The following LINC00305 variants were observed in gnomAD, a reference collection of about 807,000 sequenced individuals.
The protein encoded by LINC00305 is long independently transcribed non-coding RNA 305.
At chr18:64,139,607 C>T (rs2051451719) in intron 1 of LINC00305, 1 of 152,134 alleles carries the variant, frequency 6.6e-6, no homozygotes, top group Admixed American at 6.5e-5. Flanking sequence ...GTATTTTAAT[C>T]TTGAAAAATC....
At position 64,125,718 on chromosome 18, in the gene LINC00305, G is replaced by A. The variant is rs149309707; in HGVS notation, n.314+23057C>T. Reference sequence around the variant, plus strand: ...TCTGATACTTATTACCTTGTGCTATGGTTTGAATGTGTTGCCCCAAAACCA... The same window carrying A: ...TCTGATACTTATTACCTTGTGCTATAGTTTGAATGTGTTGCCCCAAAACCA... On this transcript the variant is annotated intron_variant and non_coding_transcript_variant, in intron 1 of 3. Coordinates refer to ENST00000666468, the Ensembl canonical transcript of LINC00305. Among the ~76,000 whole-genome samples the A allele has an allele frequency of 1.3e-3, 193 of 152,062 alleles. 1 individual carries two copies. Among genetic ancestry groups the A allele is most frequent in the African/African-American group, 4.3e-3 (179 of 41,474 alleles).
chr18:64,091,388 A>G (rs1487529957), intron 3 of LINC00305, among the ~76,000 whole-genome samples: 7 of 152,210 alleles, frequency 4.6e-5, no homozygotes, highest in Non-Finnish European at 1.0e-4. Flanking sequence ...GCTCACATGG[A>G]TGATGCTCCA....
chr18:64,144,106 C>T (rs1001047289), intron 1 of LINC00305, among the ~76,000 whole-genome samples: 4 of 152,114 alleles, frequency 2.6e-5, no homozygotes, highest in Admixed American at 6.6e-5. Context: ...GAGGCCAGCA[C>T]TGATTGGAAA....
intron 1 of LINC00305, among the ~76,000 whole-genome samples, chr18:64,140,705 T>C (rs972797791): frequency 2.0e-5 from 3 of 152,174 alleles, no homozygotes; most frequent in Admixed American, 1.3e-4. Flanking sequence ...GGTTATGTTA[T>C]GCGATATATG....
chr18:64,082,126 G>T (rs1003970835), intron 3 of LINC00305, among the ~76,000 whole-genome samples: 14 of 152,158 alleles, frequency 9.2e-5, no homozygotes, highest in Non-Finnish European at 1.9e-4. Context: ...GAGTCATACA[G>T]CCAAAGGTCT....
chr18:64,092,509 C>T (rs1450765679), intron 3 of LINC00305, among the ~76,000 whole-genome samples: 1 of 152,140 alleles, frequency 6.6e-6, no homozygotes, highest in Admixed American at 6.5e-5. Context: ...TTGCACTGAG[C>T]CGAGATCACA....
At chr18:64,096,906 A>G (rs575117601) in intron 3 of LINC00305, among the ~76,000 whole-genome samples, 7 of 152,068 alleles carry the variant, frequency 4.6e-5, no homozygotes, top group Admixed American at 1.3e-4. Flanking sequence ...GTACAATAAT[A>G]ATAATAATGG....
chr18:64,148,798 T>G (rs2051510983), exon 1 of LINC00305: 2 of 152,380 alleles, frequency 1.3e-5, no homozygotes, highest in African/African-American at 4.8e-5. Context: ...GTCTGGTTCC[T>G]CTGGTGTGGT....
chr18:64,139,881 A>G (rs1416224257), intron 1 of LINC00305, among the ~76,000 whole-genome samples: 1 of 152,064 alleles, frequency 6.6e-6, no homozygotes, highest in Non-Finnish European at 1.5e-5. Context: ...TCCAATAGCA[A>G]CCCGTCTTAC....
In LINC00305 at chr18:64,123,573, T is replaced by G. The variant is rs183448290; in HGVS notation, n.315-24933A>C. On this transcript the variant is annotated intron_variant and non_coding_transcript_variant, in intron 1 of 3. Transcript: ENST00000666468. ...TCAATACATATTCTACATGCTTTTC[T>G]TCTCACTTACCCCAACCTTCCCCTT... 7.9e-5 allele frequency among the ~76,000 whole-genome samples: 12 copies of G among 152,240 alleles called. No homozygotes were observed. The East Asian group carries it at 2.3e-3, about 29-fold the overall frequency.
intron 1 of LINC00305, among the ~76,000 whole-genome samples, chr18:64,128,826 A>G (rs2051396944): frequency 6.6e-6 from 1 of 152,128 alleles, no homozygotes; most frequent in African/African-American, 2.4e-5. Context: ...CAGCAAATAA[A>G]AGAAATAACC....
chr18:64,110,469 CT>C (rs1205872997), intron 1 of LINC00305, among the ~76,000 whole-genome samples: 1 of 152,100 alleles, frequency 6.6e-6, no homozygotes, highest in Non-Finnish European at 1.5e-5. Context: ...CTGGGTTCTA[CT>C]AGACTGACAG....
intron 1 of LINC00305, among the ~76,000 whole-genome samples, chr18:64,127,752 A>G (rs1201365815): frequency 1.3e-5 from 2 of 152,056 alleles, no homozygotes; most frequent in African/African-American, 2.4e-5. Context: ...GCTATGTGGG[A>G]TGGTTGTCAT....
chr18:64,120,258 C>G (rs574908677), intron 1 of LINC00305, among the ~76,000 whole-genome samples: 1 of 152,152 alleles, frequency 6.6e-6, no homozygotes, highest in East Asian at 1.9e-4. Context: ...CTTCTTCCAT[C>G]CTCTCTCTAA....
intron 1 of LINC00305, among the ~76,000 whole-genome samples, chr18:64,141,919 G>A (rs1599232608): frequency 2.0e-5 from 3 of 152,270 alleles, no homozygotes; most frequent in Admixed American, 2.0e-4. Context: ...CATGTTTAAG[G>A]CTGATTAATC....
At position 64,113,110 on chromosome 18, in the gene LINC00305, G is replaced by A. The variant is rs73469873; in HGVS notation, n.315-14470C>T. Among the ~76,000 whole-genome samples the A allele has an allele frequency of 2.7e-3, 418 of 152,256 alleles. 4 individuals are homozygous for A. Among genetic ancestry groups the A allele is most frequent in the African/African-American group, 9.4e-3 (392 of 41,532 alleles). ...TGTTATTCTGACACTCAAACTCCTG[G>A]TCTTTCCGTTCTTGCACGGTATTCT... On this transcript the variant is annotated intron_variant and non_coding_transcript_variant, in intron 1 of 3. Transcript: ENST00000666468.
chr18:64,098,537 G>T (rs1411395679), intron 2 of LINC00305: 3 of 434,180 alleles, frequency 6.9e-6, no homozygotes, highest in East Asian at 7.1e-5. Flanking sequence ...TTTTTCTTAG[G>T]TTTGTAACTT....
chr18:64,139,003 A>C (rs2051448509), intron 1 of LINC00305, among the ~76,000 whole-genome samples: 1 of 152,208 alleles, frequency 6.6e-6, no homozygotes, highest in African/African-American at 2.4e-5. Flanking sequence ...AAAAACACCC[A>C]GAACCGCCAC....
Position 64,116,632 on chromosome 18 carries a change from T to C in LINC00305, n.315-17992A>G, listed in dbSNP as rs564497077. On this transcript the variant is annotated intron_variant and non_coding_transcript_variant, in intron 1 of 3. Coordinates refer to ENST00000666468, the Ensembl canonical transcript of LINC00305. ...ACAAACATTGTATATATTTATAGTG[T>C]ACTATGTGATGATGCTTTGACACAT... Among the ~76,000 whole-genome samples the C allele has an allele frequency of 2.2e-3, 335 of 152,320 alleles. 2 individuals carry two copies. The highest frequency in any genetic ancestry group is 7.8e-3 in the African/African-American group (325 of 41,568).
Sources: gnomAD v4.1 joint callset for allele counts (sites outside exome capture counted in the v4.1 genomes callset) on GRCh38, gnomAD v4.1.1 for gene constraint, MANE v1.5 for transcripts, NCBI Gene and HGNC (gene_info 2026-07-23, HGNC 2026-07-21) for gene names.